ADGRL4: variants seen among roughly 807,000 people sequenced by gnomAD.
ADGRL4 encodes adhesion G protein-coupled receptor L4, also known as EGF, latrophilin and seven transmembrane domain containing 1.
Under a neutral mutation model 74.8 loss-of-function variants are expected in ADGRL4, and 90 were observed. The ratio of observed to expected loss-of-function variants is 1.20; its 90% CI spans 1.02 to 1.43. The LOEUF (loss-of-function observed/expected upper bound fraction) is 1.43. Ranked by LOEUF, ADGRL4 falls within the 40% of genes most tolerant of loss-of-function variation. ADGRL4 has a pLI of 0.00. For missense variants in ADGRL4, 881 were observed against 814.3 expected, an observed-to-expected ratio of 1.08 and a Z score of -1.00; for synonymous variants, 311 against 279.2, an observed-to-expected ratio of 1.11 and a Z score of -1.14.
chr1:78,945,196 A>ATATATATATC lies in ADGRL4; in HGVS notation c.325+1077_325+1078insGATATATATA, dbSNP rs1553136479. ...AAAAAAAATATATATATATATATAT[A>ATATATATATC]TCTCAATAGGGCACTAATCAAAGGC... On this transcript the variant is annotated intron_variant, in intron 3 of 14. Transcript: ENST00000370742. 1.3e-5 allele frequency among the ~76,000 whole-genome samples: 2 copies of ATATATATATC among 148,270 alleles called. 1 individual carries two copies. The highest frequency in any genetic ancestry group is 4.9e-5 in the African/African-American group (2 of 40,690).
intron 2 of ADGRL4, among the ~76,000 whole-genome samples, chr1:78,999,832 CTAT>C (rs754616094): frequency 3.9e-4 from 59 of 150,200 alleles, no homozygotes; most frequent in South Asian, 8.4e-4. Flanking sequence ...ATCTATCTAT[CTAT>C]CTATCTACCT....
intron 6 of ADGRL4, among the ~76,000 whole-genome samples, chr1:78,936,775 TTGAG>T (rs1649364584): frequency 6.6e-6 from 1 of 152,218 alleles, no homozygotes; most frequent in Non-Finnish European, 1.5e-5. Flanking sequence ...AATTAAACGT[TTGAG>T]TGATAATTCC....
chr1:78,921,990 CGT>C (rs1030691874), intron 8 of ADGRL4, among the ~76,000 whole-genome samples: 20 of 151,942 alleles, frequency 1.3e-4, no homozygotes, highest in Admixed American at 2.6e-4. Flanking sequence ...GTCTCACAAA[CGT>C]GTGGTAATTT....
intron 2 of ADGRL4, among the ~76,000 whole-genome samples, chr1:78,961,015 GT>G (rs1220418083): frequency 1.3e-5 from 2 of 151,952 alleles, no homozygotes; most frequent in African/African-American, 2.4e-5. Context: ...AATTGAGTAA[GT>G]TTTTTTCATC....
intron 8 of ADGRL4, among the ~76,000 whole-genome samples, chr1:78,925,345 C>G (rs1428478232): frequency 6.6e-6 from 1 of 152,040 alleles, no homozygotes; most frequent in Non-Finnish European, 1.5e-5. Context: ...ATTAAATGCG[C>G]TCATTTTTTT....
chr1:78,895,972 A>C (rs1290815459), intron 12 of ADGRL4, among the ~76,000 whole-genome samples: 1 of 152,030 alleles, frequency 6.6e-6, no homozygotes, highest in African/African-American at 2.4e-5. Context: ...CTGCACCTTA[A>C]ATAGGGATTT....
chr1:78,915,132 C>G (rs1177834438), intron 12 of ADGRL4, among the ~76,000 whole-genome samples: 1 of 151,866 alleles, frequency 6.6e-6, no homozygotes, highest in Non-Finnish European at 1.5e-5. Flanking sequence ...TATAGAATAG[C>G]TCAAGTCTTT....
At chr1:78,900,053 C>G (rs751852194) in intron 12 of ADGRL4, among the ~76,000 whole-genome samples, 1 of 151,946 alleles carries the variant, frequency 6.6e-6, no homozygotes, top group Non-Finnish European at 1.5e-5. Context: ...GGGAGAGATA[C>G]GGCAAAAATG....
chr1:78,923,554 C>A (rs565210654), intron 8 of ADGRL4, among the ~76,000 whole-genome samples: 1 of 151,772 alleles, frequency 6.6e-6, no homozygotes, highest in South Asian at 2.1e-4. Context: ...AGGACAAGCT[C>A]CAACAGCAAA....
At chr1:78,894,670 T>C (rs975206586) in intron 12 of ADGRL4, among the ~76,000 whole-genome samples, 4 of 151,988 alleles carry the variant, frequency 2.6e-5, no homozygotes, top group Admixed American at 6.6e-5. Context: ...GCACATATAT[T>C]TACAAATAAG....
At chr1:78,899,005 C>T (rs946811813) in intron 12 of ADGRL4, among the ~76,000 whole-genome samples, 6 of 152,110 alleles carry the variant, frequency 3.9e-5, no homozygotes, top group Non-Finnish European at 8.8e-5. Context: ...TGAAGCATCC[C>T]AATCAGTCAT....
chr1:79,005,060 G>T lies in ADGRL4; in HGVS notation c.172+10C>A, dbSNP rs1227411644. Reference sequence around the variant, plus strand: ...AGTATAATCCAAAAGAAGTAACAAAGCTTGTTTACCTTCACAAATTGTGAC... The same window carrying T: ...AGTATAATCCAAAAGAAGTAACAAATCTTGTTTACCTTCACAAATTGTGAC... On this transcript the variant is annotated intron_variant, in intron 2 of 14. Transcript: ENST00000370742. The T allele has an allele frequency of 8.1e-6, 13 of 1,608,862 alleles. No individual in the cohort carries two copies. The highest frequency in any genetic ancestry group is 1.1e-5 in the Non-Finnish European group (13 of 1,177,898).
intron 2 of ADGRL4, 57 bp from the exon 3 acceptor site, chr1:78,946,483 A>G: frequency 1.4e-6 from 2 of 1,428,516 alleles, no homozygotes; most frequent in Non-Finnish European, 1.9e-6. Flanking sequence ...AATTTTGACT[A>G]TTTTCCATCA....
At chr1:78,898,927 A>G (rs1271585667) in intron 12 of ADGRL4, among the ~76,000 whole-genome samples, 6 of 152,206 alleles carry the variant, frequency 3.9e-5, no homozygotes, top group African/African-American at 1.4e-4. Context: ...AAAGAACGAC[A>G]ACTAATTCTG....
At position 78,917,911 on chromosome 1, in the gene ADGRL4, T is replaced by G; in HGVS notation, c.1601A>C (p.Tyr534Ser). The G allele has an allele frequency of 3.1e-6, 5 of 1,612,710 alleles. No homozygotes were observed. Among genetic ancestry groups the G allele is most frequent in the Non-Finnish European group, 3.4e-6 (4 of 1,179,140 alleles). Residue 534 changes from tyrosine to serine, a missense_variant, in exon 11 of 15, where the codon TAT (tyrosine) becomes TCT (serine). Physicochemically the swap from Tyr to Ser is moderately radical, Grantham distance 144 (BLOSUM62 -2). Coordinates refer to ENST00000370742, the MANE Select transcript of ADGRL4 (RefSeq NM_022159.4). ...YNKGFLHKNF[Y>S]IFGYLSPAVV... ...GGCTGGGCTTAGATAGCCAAAGATA[T>G]AAAAATTCTTGTGCAAAAATCCCTT...
intron 2 of ADGRL4, among the ~76,000 whole-genome samples, chr1:78,991,079 A>G (rs940484143): frequency 6.6e-6 from 1 of 152,070 alleles, no homozygotes; most frequent in African/African-American, 2.4e-5. Flanking sequence ...AAAAGACAGC[A>G]GCACATTCCT....
rs540976628 is a variant in ADGRL4 at position 78,921,680 on chromosome 1, G to T, written c.1190C>A (p.Thr397Asn). ...EGCELTYSNE[T>N]HTSCRCNHLT... The stretch of plus-strand genomic sequence containing the variant: ...GTGATTACAGCGGCATGAGGTGTGG[G>T]TCTCATTTGAGTATGTCAGCTCACA... Residue 397 changes from threonine (T) to asparagine (N), a missense_variant, in exon 9 of 15, where the codon ACC becomes AAC. By Grantham distance (65) the Thr-to-Asn change is moderately conservative. Transcript: ENST00000370742. 3.1e-6 allele frequency: 5 copies of T among 1,602,548 alleles called. No homozygotes were observed. The South Asian group carries it at 5.6e-5, about 18-fold the overall frequency.
At chr1:78,898,924 G>A (rs867206899) in intron 12 of ADGRL4, among the ~76,000 whole-genome samples, 31 of 152,116 alleles carry the variant, frequency 2.0e-4, no homozygotes, top group Middle Eastern at 6.8e-3. Flanking sequence ...GTGAAAGAAC[G>A]ACAACTAATT....
intron 8 of ADGRL4, among the ~76,000 whole-genome samples, chr1:78,923,650 T>A (rs577429505): frequency 6.6e-6 from 1 of 151,776 alleles, no homozygotes; most frequent in Non-Finnish European, 1.5e-5. Context: ...TTTAAAAAAA[T>A]ATATAAATAA....
Sources: allele counts gnomAD v4.1 joint callset (sites outside exome capture counted in the v4.1 genomes callset), GRCh38; gene constraint gnomAD v4.1.1; transcripts MANE v1.5; gene names NCBI Gene and HGNC (gene_info 2026-07-23, HGNC 2026-07-21).